UNC13C: variants seen among roughly 807,000 people sequenced by gnomAD.
The protein encoded by UNC13C is unc-13 homolog C.
In UNC13C, 174 loss-of-function variants were observed where a neutral mutation model predicts 245.4. That is an observed-to-expected ratio of 0.71 (90% CI 0.63 to 0.80). UNC13C has a LOEUF of 0.80. Ranked by LOEUF, UNC13C falls within the 30% of genes least tolerant of loss-of-function variation. UNC13C has a pLI of 0.00. For synonymous variants in UNC13C, 992 were observed against 895.1 expected, an observed-to-expected ratio of 1.11 and a Z score of -1.93; for missense variants, 2,829 against 2,602.9, an observed-to-expected ratio of 1.09 and a Z score of -1.89.
chr15:53,884,822 CT>C, the UNC13C span, among the ~76,000 whole-genome samples: 1 of 152,170 alleles, frequency 6.6e-6, no homozygotes, highest in Non-Finnish European at 1.5e-5. Flanking sequence ...CCCTCTTTCC[CT>C]TTACTCCTAC....
chr15:54,136,766 AT>A (rs1244295163), intron 2 of UNC13C, among the ~76,000 whole-genome samples: 3 of 151,976 alleles, frequency 2.0e-5, no homozygotes, highest in African/African-American at 7.2e-5. Flanking sequence ...AAGATGTTGA[AT>A]TTTGTCAAGA....
chr15:54,437,047 A>G (rs1397179599), intron 19 of UNC13C, among the ~76,000 whole-genome samples: 1 of 151,964 alleles, frequency 6.6e-6, no homozygotes, highest in Non-Finnish European at 1.5e-5. Flanking sequence ...ATGGCTGCCT[A>G]CAGTGAGATT....
rs1429689325 is a variant in UNC13C, at chr15:54,627,317, T to C, written c.*204T>C. ...AGTGTTCCATGAAGTGCCAAAATTA[T>C]GATGTAAAGTGAAATATCAAGAACA... On this transcript the variant is annotated 3_prime_UTR_variant, in exon 33 of 33. Coordinates refer to ENST00000260323, the MANE Select transcript of UNC13C (RefSeq NM_001080534.3). 2.4e-5 allele frequency: 11 copies of C among 450,958 alleles called. No individual in the cohort carries two copies. Among genetic ancestry groups the C allele is most frequent in the Middle Eastern group, 5.9e-4 (1 of 1,696 alleles). The allele number at this position is 450,958 out of a possible 1,614,324, so 27.9% of individuals were successfully genotyped here. A position where few individuals can be genotyped will look rare whatever the true frequency, so the allele number is the denominator to read the frequency against.
chr15:54,443,083 A>T (rs1006906753), intron 19 of UNC13C, among the ~76,000 whole-genome samples: 2 of 152,012 alleles, frequency 1.3e-5, no homozygotes, highest in East Asian at 3.9e-4. Flanking sequence ...TACTGATTCA[A>T]TCTCATTGCT....
intron 4 of UNC13C, among the ~76,000 whole-genome samples, chr15:54,198,692 G>A (rs1238536506): frequency 6.6e-6 from 1 of 152,100 alleles, no homozygotes; most frequent in East Asian, 1.9e-4. Flanking sequence ...CACTCCGTGG[G>A]ACAAAAGATC....
chr15:54,527,700 C>G (rs1895538531), intron 25 of UNC13C, among the ~76,000 whole-genome samples: 1 of 152,152 alleles, frequency 6.6e-6, no homozygotes, highest in Non-Finnish European at 1.5e-5. Flanking sequence ...TTAGCCTAAA[C>G]AGTAAAACCT....
the UNC13C span, among the ~76,000 whole-genome samples, chr15:53,864,746 A>G: frequency 1.3e-5 from 2 of 152,200 alleles, no homozygotes; most frequent in Admixed American, 6.6e-5. Context: ...GTTATTTGTA[A>G]TAAAGTAACC....
intron 2 of UNC13C, among the ~76,000 whole-genome samples, chr15:54,058,381 C>T (rs180712201): frequency 1.6e-4 from 24 of 152,156 alleles, no homozygotes; most frequent in Admixed American, 2.0e-4. Context: ...ATAAGTTCCT[C>T]GACACATACA....
intron 13 of UNC13C, among the ~76,000 whole-genome samples, chr15:54,316,418 T>C (rs1388717367): frequency 1.3e-5 from 2 of 151,910 alleles, no homozygotes; most frequent in African/African-American, 4.8e-5. Context: ...CGCTTGGCTA[T>C]CTCTTAGTCA....
chr15:54,457,898 T>A, intron 19 of UNC13C, among the ~76,000 whole-genome samples: 1 of 151,164 alleles, frequency 6.6e-6, no homozygotes, highest in African/African-American at 2.4e-5. Context: ...TTTCGTTTTT[T>A]TTTTTTTCCT....
chr15:54,059,001 T>C (rs1463633294), intron 2 of UNC13C, among the ~76,000 whole-genome samples: 1 of 152,112 alleles, frequency 6.6e-6, no homozygotes, highest in East Asian at 1.9e-4. Flanking sequence ...CCACAGCCAA[T>C]ATCATACTGA....
intron 4 of UNC13C, among the ~76,000 whole-genome samples, chr15:54,178,019 A>G (rs1234540573): frequency 6.6e-6 from 1 of 151,974 alleles, no homozygotes; most frequent in Non-Finnish European, 1.5e-5. Flanking sequence ...TTGATTTTTT[A>G]TAAAAATAAA....
chr15:54,440,680 G>T (rs1244095605), intron 19 of UNC13C, among the ~76,000 whole-genome samples: 2 of 152,086 alleles, frequency 1.3e-5, no homozygotes, highest in African/African-American at 2.4e-5. Flanking sequence ...ACCCAATAGT[G>T]GGATTGGTGG....
intron 8 of UNC13C, among the ~76,000 whole-genome samples, chr15:54,257,391 C>T (rs865880248): frequency 7.9e-5 from 12 of 152,300 alleles, no homozygotes; most frequent in African/African-American, 1.9e-4. Context: ...TACTGTTATG[C>T]GAGCACATTC....
At chr15:54,620,500 C>A (rs1330214176) in intron 30 of UNC13C, among the ~76,000 whole-genome samples, 1 of 152,096 alleles carries the variant, frequency 6.6e-6, no homozygotes, top group East Asian at 1.9e-4. Flanking sequence ...TCTCCCAATC[C>A]AGGTTCATAC....
At chr15:54,598,251 C>A (rs548229189) in intron 30 of UNC13C, among the ~76,000 whole-genome samples, 1 of 152,332 alleles carries the variant, frequency 6.6e-6, no homozygotes, top group Admixed American at 6.5e-5. Context: ...TGCCACCACA[C>A]CCGGCTAATT....
chr15:54,533,041 T>C lies in UNC13C; in HGVS notation c.5671T>C (p.Ser1891Pro). 6.3e-7 allele frequency: 1 copy of C among 1,595,492 alleles called. No individual in the cohort carries two copies. Among genetic ancestry groups the C allele is most frequent in the South Asian group, 1.1e-5 (1 of 87,544 alleles). The change falls in exon 26 of 33, where the codon TCT becomes CCT. Residue 1891 changes from serine (S) to proline (P), a missense_variant. Transcript: ENST00000260323. ...AATGGATGCAGAGATTGTGTTAAGA[T>C]CTCTTATGGATTTTTTGGACAAAAC... The part of the protein sequence containing the change: ...AAMDAEIVLR[S>P]LMDFLDKTLS...
chr15:54,514,159 G>A (rs142114486), intron 24 of UNC13C, among the ~76,000 whole-genome samples: 1 of 152,250 alleles, frequency 6.6e-6, no homozygotes, highest in African/African-American at 2.4e-5. Flanking sequence ...TATCTAAATG[G>A]TTTCCTTAAC....
upstream of UNC13C, among the ~76,000 whole-genome samples, chr15:53,974,012 C>A (rs1213163580): frequency 6.6e-6 from 1 of 152,124 alleles, no homozygotes; most frequent in African/African-American, 2.4e-5. Flanking sequence ...TTAATCCAGT[C>A]TTAACCACTT....
Sources: gnomAD v4.1 joint callset for allele counts (sites outside exome capture counted in the v4.1 genomes callset) on GRCh38, gnomAD v4.1.1 for gene constraint, MANE v1.5 for transcripts, NCBI Gene and HGNC (gene_info 2026-07-23, HGNC 2026-07-21) for gene names.